Variants in CCM2 observed in about 807,000 individuals in gnomAD.
CCM2 encodes cerebral cavernous malformations 2 protein.
In CCM2, 25 loss-of-function variants were observed where a neutral mutation model predicts 44.9. That is an observed-to-expected ratio of 0.56 (90% confidence interval 0.41 to 0.78). CCM2 has a LOEUF of 0.78. Among genes scored for constraint, CCM2 ranks in the 30% least tolerant of loss-of-function variants. CCM2 has a pLI of 0.00. For missense variants in CCM2, 481 were observed against 580.6 expected (o/e 0.83, Z 1.76); for synonymous variants, 219 against 241.1 (o/e 0.91, Z 0.85).
intron 1 of CCM2, among the ~76,000 whole-genome samples, chr7:45,010,391 A>G (rs931656106): frequency 6.6e-6 from 1 of 152,078 alleles, no homozygotes; most frequent in Non-Finnish European, 1.5e-5. Context: ...CCATAGGTTA[A>G]TTTTGTTCAT....
At chr7:45,048,029 AAG>A (rs1797840788) in intron 2 of CCM2, among the ~76,000 whole-genome samples, 2 of 152,208 alleles carry the variant, frequency 1.3e-5, no homozygotes, top group African/African-American at 4.8e-5. Flanking sequence ...GTTGTAAGAA[AAG>A]AGAGGGAAAG....
At chr7:45,050,127 T>C (rs7778729) in intron 2 of CCM2, among the ~76,000 whole-genome samples, 54,091 of 152,088 alleles carry the variant, frequency 0.36, 11,101 homozygotes, top group African/African-American at 0.57. Flanking sequence ...ACCTTTTCTG[T>C]GTTTGAATGT....
chr7:45,035,853 G>C (rs1415854898), intron 1 of CCM2, among the ~76,000 whole-genome samples: 2 of 152,092 alleles, frequency 1.3e-5, no homozygotes, highest in African/African-American at 4.8e-5. Flanking sequence ...ATAGACAGCA[G>C]TGGAAGAAGA....
At chr7:45,016,343 T>C (rs1330415565) in intron 1 of CCM2, among the ~76,000 whole-genome samples, 2 of 152,244 alleles carry the variant, frequency 1.3e-5, no homozygotes, top group African/African-American at 2.4e-5. Flanking sequence ...TTTATTTATT[T>C]TTTTTGAGAC....
rs180708769 is a variant in CCM2 at position 45,073,935 on chromosome 7, G to C, written c.916-335G>C. On this transcript the variant is annotated intron_variant, in intron 8 of 9. Transcript: ENST00000258781. ...AAACTCAAGTCTTCCTGATTTGCCT[G>C]TGTGCCTGTGTGTAGCCTAAGGGCA... 191 of 520,916 alleles carry C rather than the reference G, an allele frequency of 3.7e-4. 2 individuals carry two copies. The highest frequency in any genetic ancestry group is 3.3e-3 in the African/African-American group (171 of 52,558). The allele number at this position is 520,916 out of a possible 1,614,324, so 32.3% of individuals were successfully genotyped here. A position where few individuals can be genotyped will look rare whatever the true frequency, so the allele number is the denominator to read the frequency against.
At chr7:45,054,445 A>C (rs969794725) in intron 2 of CCM2, among the ~76,000 whole-genome samples, 4 of 152,080 alleles carry the variant, frequency 2.6e-5, no homozygotes, top group African/African-American at 9.7e-5. Context: ...AATCAAGGCC[A>C]ATAAAGAGAA....
At chr7:45,051,633 T>A (rs1798013683) in intron 2 of CCM2, among the ~76,000 whole-genome samples, 1 of 152,058 alleles carries the variant, frequency 6.6e-6, no homozygotes, top group African/African-American at 2.4e-5. Flanking sequence ...TGATCTCAGC[T>A]CACTGCAAGC....
At chr7:45,041,006 C>T (rs899156776) in intron 2 of CCM2, among the ~76,000 whole-genome samples, 2 of 152,118 alleles carry the variant, frequency 1.3e-5, no homozygotes, top group African/African-American at 2.4e-5. Context: ...CAAAACAAAA[C>T]ACAAGGGCAA....
intron 9 of CCM2, 32 bp downstream of exon 9, chr7:45,074,440 C>T: frequency 1.9e-6 from 3 of 1,590,762 alleles, no homozygotes; most frequent in Non-Finnish European, 2.6e-6. Context: ...GGTGGCTTGT[C>T]CAAACCTGGC....
At chr7:45,005,073 A>C (rs1231124162) in intron 1 of CCM2, among the ~76,000 whole-genome samples, 2 of 151,666 alleles carry the variant, frequency 1.3e-5, no homozygotes, top group Non-Finnish European at 2.9e-5. Flanking sequence ...TTGGGTTCAG[A>C]AGGTGAATTG....
rs116237321 is a variant in CCM2, at chr7:45,068,248, G to C, written c.473-195G>C. 1,118 of 660,804 alleles carry C rather than the reference G, an allele frequency of 1.7e-3. 16 individuals are homozygous for C. In the African/African-American group the frequency reaches 0.018, roughly 11 times the overall value. 40.9% of individuals were successfully genotyped at this position (660,804 alleles called of 1,614,324 possible). A position where few individuals can be genotyped will look rare whatever the true frequency, so the allele number is the denominator to read the frequency against. On this transcript the variant is annotated intron_variant, in intron 4 of 9. Transcript: ENST00000258781. Reference sequence around the variant, plus strand: ...CAGCTCTGGTGCCCTTGGAGCTCAGGGGTCGCGTGTTCCCACCCTTATTTA... The same window carrying C: ...CAGCTCTGGTGCCCTTGGAGCTCAGCGGTCGCGTGTTCCCACCCTTATTTA...
At chr7:45,074,480 G>A in intron 9 of CCM2, 72 bp downstream of exon 9, 2 of 1,284,996 alleles carry the variant, frequency 1.6e-6, no homozygotes, top group Non-Finnish European at 2.2e-6. Context: ...CTGGGAATGT[G>A]CACACGGACC....
intron 1 of CCM2, among the ~76,000 whole-genome samples, chr7:45,026,667 A>G (rs2128721251): frequency 8.0e-6 from 1 of 124,704 alleles, no homozygotes; most frequent in South Asian, 2.4e-4. Flanking sequence ...CAATGGTGCT[A>G]TCTTTTCTTA....
At chr7:45,011,382 A>C (rs931270177) in intron 1 of CCM2, among the ~76,000 whole-genome samples, 1 of 151,812 alleles carries the variant, frequency 6.6e-6, no homozygotes, top group African/African-American at 2.4e-5. Flanking sequence ...TTTTTAGTAG[A>C]GATGGGGTTT....
chr7:45,070,603 C>T, intron 6 of CCM2: 1 of 358,380 alleles, frequency 2.8e-6, no homozygotes, highest in Non-Finnish European at 5.8e-6. Context: ...ATCTGTTTTT[C>T]AGATGTATTA....
At chr7:45,048,502 A>G (rs922071867) in intron 2 of CCM2, among the ~76,000 whole-genome samples, 3 of 152,218 alleles carry the variant, frequency 2.0e-5, no homozygotes, top group African/African-American at 7.2e-5. Flanking sequence ...CAAAACCTTC[A>G]TAAAGTAGAA....
At chr7:45,003,443 C>G (rs1396032584) in intron 1 of CCM2, among the ~76,000 whole-genome samples, 1 of 151,978 alleles carries the variant, frequency 6.6e-6, no homozygotes, top group Non-Finnish European at 1.5e-5. Context: ...GATCACAGCC[C>G]AAAAAAGCTG....
At chr7:45,030,168 A>G (rs1583882098) in intron 1 of CCM2, among the ~76,000 whole-genome samples, 1 of 152,184 alleles carries the variant, frequency 6.6e-6, no homozygotes, top group Admixed American at 6.5e-5. Context: ...GACTCCACTC[A>G]TGGAAGAGAA....
chr7:45,052,346 G>A (rs556121823), intron 2 of CCM2, among the ~76,000 whole-genome samples: 5 of 152,332 alleles, frequency 3.3e-5, no homozygotes, highest in African/African-American at 1.2e-4. Context: ...CCACGGTGAA[G>A]GGCTGTAGTG....
Sources: gnomAD v4.1 joint callset for allele counts (sites outside exome capture counted in the v4.1 genomes callset) on GRCh38, gnomAD v4.1.1 for gene constraint, MANE v1.5 for transcripts, NCBI Gene and HGNC (gene_info 2026-07-23, HGNC 2026-07-21) for gene names.